Variants in PLA1A observed in about 807,000 individuals in gnomAD.
PLA1A encodes the protein phospholipase A1 member A.
A neutral mutation model predicts 49.4 loss-of-function variants in PLA1A; 47 were observed. The ratio of observed to expected loss-of-function variants is 0.95; its 90% CI spans 0.75 to 1.21. The LOEUF is 1.21. Ranked by LOEUF, PLA1A falls within the 50% of genes most tolerant of loss-of-function variation. PLA1A has a pLI of 0.00. For missense variants in PLA1A, 561 were observed against 563.9 expected (o/e 0.99, Z 0.05); for synonymous variants, 224 against 207.9 (o/e 1.08, Z -0.67).
chr3:119,600,213 G>T (rs1048444206), intron 1 of PLA1A: 1 of 580,988 alleles, frequency 1.7e-6, no homozygotes, highest in Admixed American at 2.9e-5. Flanking sequence ...CCTCTTGGAA[G>T]TTCAGCCTCC....
intron 1 of PLA1A, among the ~76,000 whole-genome samples, chr3:119,606,062 A>C (rs2670293): frequency 6.6e-6 from 1 of 152,054 alleles, no homozygotes; most frequent in African/African-American, 2.4e-5. Context: ...CCGCAGGGCA[A>C]CTGTTCATTT....
chr3:119,606,753 T>A (rs1173485467), intron 1 of PLA1A, 21 bp from the exon 2 acceptor site: 1 of 1,592,478 alleles, frequency 6.3e-7, no homozygotes. Context: ...ATGTTGCTTG[T>A]TTTGTTTTGT....
At chr3:119,622,773 C>T (rs1341694117) in intron 8 of PLA1A, among the ~76,000 whole-genome samples, 3 of 114,738 alleles carry the variant, frequency 2.6e-5, no homozygotes, top group Non-Finnish European at 5.7e-5. Context: ...GCACCTACCC[C>T]TTAGTAAAAA....
intron 1 of PLA1A, among the ~76,000 whole-genome samples, chr3:119,599,785 T>C (rs1206914347): frequency 1.3e-5 from 2 of 152,200 alleles, no homozygotes; most frequent in East Asian, 1.9e-4. Flanking sequence ...GGTGTCTTTC[T>C]TTTCACACTT....
At chr3:119,622,135 G>GGAGA (rs2082944135) in intron 8 of PLA1A, among the ~76,000 whole-genome samples, 1 of 140,222 alleles carries the variant, frequency 7.1e-6, no homozygotes, top group African/African-American at 2.9e-5. Flanking sequence ...AGAAGAGGAA[G>GGAGA]AGGAGGAGGA....
intron 4 of PLA1A, among the ~76,000 whole-genome samples, chr3:119,610,047 C>T (rs1319483135): frequency 6.6e-6 from 1 of 152,176 alleles, no homozygotes; most frequent in Non-Finnish European, 1.5e-5. Context: ...CAATGTTTAG[C>T]TCCCACTTAT....
In PLA1A at chr3:119,616,004, C is replaced by T; in HGVS notation, c.665-8C>T. On this transcript the variant is annotated splice_polypyrimidine_tract_variant and splice_region_variant and intron_variant, in intron 5 of 10. Coordinates refer to ENST00000273371, the MANE Select transcript of PLA1A (RefSeq NM_015900.4). Reference sequence around the variant, plus strand: ...TAAGGAAGTTAATGGAGTTGTGCCTCCTTTCAGATTTGGGTATTCGGATTC... The same window carrying T: ...TAAGGAAGTTAATGGAGTTGTGCCTTCTTTCAGATTTGGGTATTCGGATTC... The T allele has an allele frequency of 6.3e-7, 1 of 1,596,910 alleles. No homozygotes were observed. Among genetic ancestry groups the T allele is most frequent in the Non-Finnish European group, 8.6e-7 (1 of 1,164,546 alleles).
intron 2 of PLA1A, chr3:119,607,209 C>G (rs911379877): frequency 8.1e-5 from 42 of 520,406 alleles, no homozygotes; most frequent in East Asian, 6.2e-4. Context: ...CACTCACGAA[C>G]AGTACATGTC....
intron 1 of PLA1A, among the ~76,000 whole-genome samples, chr3:119,604,349 C>G (rs377707586): frequency 6.6e-6 from 1 of 151,854 alleles, no homozygotes; most frequent in Non-Finnish European, 1.5e-5. Flanking sequence ...GATATAGAAC[C>G]AACCTAAGAG....
intron 4 of PLA1A, among the ~76,000 whole-genome samples, chr3:119,610,590 T>C (rs1026139668): frequency 1.3e-5 from 2 of 152,236 alleles, no homozygotes; most frequent in African/African-American, 4.8e-5. Context: ...CAAATGTTTG[T>C]TAGCCACTTG....
intron 9 of PLA1A, among the ~76,000 whole-genome samples, chr3:119,627,538 AC>A (rs772073985): frequency 1.3e-4 from 20 of 152,350 alleles, no homozygotes; most frequent in Non-Finnish European, 2.5e-4. Flanking sequence ...CTAACACTGG[AC>A]TAAAAAGAAC....
At chr3:119,621,950 G>A (rs566599360) in intron 8 of PLA1A, among the ~76,000 whole-genome samples, 1 of 152,242 alleles carries the variant, frequency 6.6e-6, no homozygotes, top group Non-Finnish European at 1.5e-5. Flanking sequence ...CAGGTGCAGT[G>A]GCTCACGTCT....
chr3:119,624,733 C>T lies in PLA1A; in HGVS notation c.1013-391C>T, dbSNP rs144895699. On this transcript the variant is annotated intron_variant, in intron 8 of 10. Coordinates refer to ENST00000273371, the MANE Select transcript of PLA1A (RefSeq NM_015900.4). Reference sequence around the variant, plus strand: ...GCAAACTCTGCCTCCTGAGTTCAAGCGATTCTCCTGTCTCAGCCTCCTGAG... The same window carrying T: ...GCAAACTCTGCCTCCTGAGTTCAAGTGATTCTCCTGTCTCAGCCTCCTGAG... Among the ~76,000 whole-genome samples the T allele has an allele frequency of 2.3e-4, 35 of 151,984 alleles. No homozygotes were observed. In the East Asian group the frequency reaches 4.1e-3, roughly 18 times the overall value.
chr3:119,600,946 C>T (rs1384953135), intron 1 of PLA1A, among the ~76,000 whole-genome samples: 3 of 152,320 alleles, frequency 2.0e-5, no homozygotes, highest in Admixed American at 6.5e-5. Context: ...ACCCTGCATG[C>T]GTGGCAGAGC....
rs1298686225 is a variant in PLA1A at position 119,622,102 on chromosome 3, GA to G, written c.1012+2452del. Among the ~76,000 whole-genome samples the G allele has an allele frequency of 2.7e-5, 4 of 148,712 alleles. No individual in the cohort carries two copies. In the East Asian group the frequency reaches 8.2e-4, roughly 30 times the overall value. On this transcript the variant is annotated intron_variant, in intron 8 of 10. Transcript: ENST00000273371. ...GTTTCTGAAGAAAGAAGAAGAAGAAGAAGAAGGAGAAGGAGAAGGAGAAGAA... is the reference window on the plus strand; with the variant it reads ...GTTTCTGAAGAAAGAAGAAGAAGAAGAGAAGGAGAAGGAGAAGGAGAAGAA...
intron 9 of PLA1A, among the ~76,000 whole-genome samples, chr3:119,628,437 T>C (rs542079069): frequency 1.3e-5 from 2 of 152,382 alleles, no homozygotes; most frequent in South Asian, 4.1e-4. Context: ...TTTTTCCAGA[T>C]ATGAAAATCC....
rs772873262 is a variant in PLA1A at position 119,608,753 on chromosome 3, T to G, written c.276-17T>G. ...TTGGCAGGTAATTTTTCCATTCTTT[T>G]TTGGCCCCCTGTCTAGGGTTTTAGG... On this transcript the variant is annotated splice_polypyrimidine_tract_variant and intron_variant, in intron 2 of 10. Transcript: ENST00000273371. The G allele has an allele frequency of 6.3e-7, 1 of 1,586,670 alleles. No individual in the cohort carries two copies.
Position 119,618,818 on chromosome 3 carries a change from C to T in PLA1A, c.922+632C>T, listed in dbSNP as rs572428152. Among the ~76,000 whole-genome samples, 23 of 152,252 alleles carry T rather than the reference C, an allele frequency of 1.5e-4. No individual in the cohort carries two copies. The East Asian group carries it at 1.5e-3, about 10-fold the overall frequency. ...CAGTGGAAATGGTTTCTCTCCCTCC[C>T]GCACTCTCTCACTTCCCGCTACCCC... On this transcript the variant is annotated intron_variant, in intron 7 of 10. Coordinates refer to ENST00000273371, the MANE Select transcript of PLA1A (RefSeq NM_015900.4).
chr3:119,618,026 T>G lies in PLA1A; in HGVS notation c.762T>G (p.Ser254Arg). Residue 254 changes from serine (S) to arginine (R), a missense_variant, in exon 7 of 11, where the codon AGT becomes AGG. Coordinates refer to ENST00000273371, the MANE Select transcript of PLA1A (RefSeq NM_015900.4). ...GCPTFFYAGY[S>R]YLICDHMRAV... is the part of the protein sequence containing the mutation. The stretch of plus-strand genomic sequence containing the variant: ...TGTTTTTTCTCTGTTCAGGTTATAG[T>G]TATCTGATCTGTGATCACATGAGGG... 6.2e-7 allele frequency: 1 copy of G among 1,610,882 alleles called. No individual in the cohort carries two copies. The highest frequency in any genetic ancestry group is 8.5e-7 in the Non-Finnish European group (1 of 1,178,536).
Sources: gnomAD v4.1 joint callset for allele counts (sites outside exome capture counted in the v4.1 genomes callset) on GRCh38, gnomAD v4.1.1 for gene constraint, MANE v1.5 for transcripts, NCBI Gene and HGNC (gene_info 2026-07-23, HGNC 2026-07-21) for gene names.